The following CNTN6 variants were observed in gnomAD, a reference collection of about 807,000 sequenced individuals.
CNTN6 encodes the protein contactin 6.
Under a neutral mutation model 122.8 loss-of-function variants are expected in CNTN6, and 137 were observed. That is an observed-to-expected ratio of 1.12 (90% CI 0.97 to 1.29). The LOEUF is 1.29. CNTN6 is among the 50% of genes most tolerant of loss of function. CNTN6 has a pLI of 0.00. For synonymous variants in CNTN6, 570 were observed against 426.0 expected, an observed-to-expected ratio of 1.34 and a Z score of -4.16; for missense variants, 1,634 against 1,223.4, an observed-to-expected ratio of 1.34 and a Z score of -5.01.
intron 12 of CNTN6, among the ~76,000 whole-genome samples, chr3:1,356,004 C>G (rs180768438): frequency 2.6e-5 from 4 of 151,670 alleles, no homozygotes; most frequent in African/African-American, 9.7e-5. Flanking sequence ...GCTTTTCCAG[C>G]GCCTCAGAAG....
At chr3:1,385,822 A>G (rs1692812777) in intron 20 of CNTN6, 25 bp downstream of exon 20, 1 of 1,570,266 alleles carries the variant, frequency 6.4e-7, no homozygotes, top group African/African-American at 1.4e-5. Flanking sequence ...ACTCCAGGAA[A>G]CAAGATTCAT....
At chr3:1,213,860 T>G (rs1012504571) in intron 2 of CNTN6, among the ~76,000 whole-genome samples, 1 of 152,046 alleles carries the variant, frequency 6.6e-6, no homozygotes, top group Non-Finnish European at 1.5e-5. Flanking sequence ...GGTTAAAAGA[T>G]ACAATGAATG....
intron 2 of CNTN6, among the ~76,000 whole-genome samples, chr3:1,194,516 A>T (rs2093748014): frequency 6.6e-6 from 1 of 152,262 alleles, no homozygotes; most frequent in East Asian, 1.9e-4. Context: ...ATAATGTATT[A>T]TTGTAATCTG....
intron 1 of CNTN6, among the ~76,000 whole-genome samples, chr3:1,122,727 T>C (rs976758590): frequency 2.6e-5 from 4 of 151,942 alleles, no homozygotes; most frequent in African/African-American, 9.7e-5. Context: ...CCAGCTTCTT[T>C]CACTTAGTAT....
At chr3:1,327,426 A>T (rs775324980) in intron 9 of CNTN6, 31 bp from the exon 10 acceptor site, 3 of 1,600,944 alleles carry the variant, frequency 1.9e-6, no homozygotes, top group Non-Finnish European at 1.7e-6. Context: ...ATTAACGTAC[A>T]AGCATCTTTA....
At chr3:1,231,088 G>A (rs550892751) in intron 4 of CNTN6, among the ~76,000 whole-genome samples, 5 of 152,300 alleles carry the variant, frequency 3.3e-5, no homozygotes, top group Admixed American at 6.5e-5. Context: ...TTCACTTGCT[G>A]TTTCCTTCTT....
intron 4 of CNTN6, among the ~76,000 whole-genome samples, chr3:1,258,026 C>T (rs931164294): frequency 2.6e-5 from 4 of 152,054 alleles, no homozygotes; most frequent in South Asian, 2.1e-4. Flanking sequence ...TATATGTTTG[C>T]CCCCTCTGCA....
chr3:1,145,892 T>C (rs2092713787), intron 1 of CNTN6, among the ~76,000 whole-genome samples: 1 of 152,168 alleles, frequency 6.6e-6, no homozygotes, highest in Non-Finnish European at 1.5e-5. Context: ...AAAGTCTCCA[T>C]TGCATAAACT....
At chr3:1,366,198 G>A (rs753405858) in intron 12 of CNTN6, among the ~76,000 whole-genome samples, 1 of 152,116 alleles carries the variant, frequency 6.6e-6, no homozygotes, top group Admixed American at 6.6e-5. Flanking sequence ...AATGGCTAAG[G>A]AATATGCAAG....
chr3:1,148,341 A>C (rs138846009), intron 2 of CNTN6, among the ~76,000 whole-genome samples: 3 of 151,954 alleles, frequency 2.0e-5, no homozygotes, highest in African/African-American at 7.2e-5. Flanking sequence ...TAATTATATA[A>C]TATACTATGA....
At chr3:1,212,472 CATACATGTGTGTGTATATAT>C (rs1438899478) in intron 2 of CNTN6, among the ~76,000 whole-genome samples, 2 of 149,644 alleles carry the variant, frequency 1.3e-5, no homozygotes, top group African/African-American at 4.9e-5. Context: ...TATATATACA[CATACATGTGTGTGTATATAT>C]ATACATGTGT....
At chr3:1,268,104 C>G (rs147741671) in intron 4 of CNTN6, among the ~76,000 whole-genome samples, 4 of 152,194 alleles carry the variant, frequency 2.6e-5, no homozygotes, top group Non-Finnish European at 5.9e-5. Flanking sequence ...GTCCTCCCTG[C>G]AGAACAAAAG....
intron 2 of CNTN6, among the ~76,000 whole-genome samples, chr3:1,168,974 G>T (rs1266294923): frequency 1.3e-5 from 2 of 152,146 alleles, no homozygotes; most frequent in Non-Finnish European, 2.9e-5. Context: ...TGGGAAGGGT[G>T]TTTAAAAAGG....
chr3:1,140,903 C>T (rs1271355761), intron 1 of CNTN6, among the ~76,000 whole-genome samples: 1 of 152,138 alleles, frequency 6.6e-6, no homozygotes, highest in East Asian at 1.9e-4. Flanking sequence ...ATTTTGAGAG[C>T]TTGGCATAAC....
At chr3:1,138,171 A>G (rs2092526924) in intron 1 of CNTN6, among the ~76,000 whole-genome samples, 1 of 152,222 alleles carries the variant, frequency 6.6e-6, no homozygotes, top group African/African-American at 2.4e-5. Flanking sequence ...TCGGAAGAGA[A>G]CACAATCCCT....
chr3:1,170,639 G>C (rs2093343300), intron 2 of CNTN6, among the ~76,000 whole-genome samples: 1 of 152,134 alleles, frequency 6.6e-6, no homozygotes, highest in Admixed American at 6.5e-5. Context: ...TCTTATCACA[G>C]GGGACACTGA....
chr3:1,152,239 T>C (rs1226562307), intron 2 of CNTN6, among the ~76,000 whole-genome samples: 1 of 151,840 alleles, frequency 6.6e-6, no homozygotes, highest in Non-Finnish European at 1.5e-5. Context: ...CCTGGGTTCA[T>C]ACAATTCTCC....
intron 20 of CNTN6, among the ~76,000 whole-genome samples, chr3:1,390,800 A>C (rs1694023153): frequency 6.6e-6 from 1 of 151,584 alleles, no homozygotes; most frequent in Non-Finnish European, 1.5e-5. Context: ...AAACTAGAAA[A>C]TCTAGAAGAA....
chr3:1,349,635 C>A (rs1389872426), intron 11 of CNTN6, among the ~76,000 whole-genome samples: 6 of 151,774 alleles, frequency 4.0e-5, no homozygotes, highest in African/African-American at 1.5e-4. Flanking sequence ...TGCTCAGTGC[C>A]ATTTGATCTT....
Sources: gnomAD v4.1 joint callset for allele counts (sites outside exome capture counted in the v4.1 genomes callset) on GRCh38, gnomAD v4.1.1 for gene constraint, MANE v1.5 for transcripts, NCBI Gene and HGNC (gene_info 2026-07-23, HGNC 2026-07-21) for gene names.